Variants in PTAR1 observed in about 807,000 individuals in gnomAD.
PTAR1 encodes the protein protein prenyltransferase alpha subunit repeat containing 1, also known as protein prenyltransferase alpha subunit repeat-containing protein 1.
A neutral mutation model predicts 45.5 loss-of-function variants in PTAR1; 17 were observed. The observed-to-expected ratio is 0.37, with a 90% CI of 0.26 to 0.56. The LOEUF (loss-of-function observed/expected upper bound fraction) is 0.56, where lower values mean the gene tolerates loss of function less well. PTAR1 is among the 20% of genes least tolerant of loss of function. The probability of loss-of-function intolerance (pLI) is 0.77; values close to 1 mark genes in which losing one functional copy is unlikely to be tolerated. For missense variants in PTAR1, 391 were observed against 476.3 expected (o/e 0.82, Z 1.67); for synonymous variants, 169 against 171.3 (o/e 0.99, Z 0.11).
chr9:69,736,612 A>C (rs1360037971), intron 3 of PTAR1, among the ~76,000 whole-genome samples: 1 of 152,154 alleles, frequency 6.6e-6, no homozygotes, highest in African/African-American at 2.4e-5. Flanking sequence ...CCATTTCATA[A>C]ATTTAAGACC....
intron 6 of PTAR1, among the ~76,000 whole-genome samples, chr9:69,720,014 A>G (rs1824918672): frequency 6.6e-6 from 1 of 152,116 alleles, no homozygotes; most frequent in Non-Finnish European, 1.5e-5. Flanking sequence ...CCTGAGATAC[A>G]ACAATATTGA....
Position 69,723,461 on chromosome 9 carries a change from G to A in PTAR1, c.812C>T (p.Pro271Leu), listed in dbSNP as rs189917529. ...NPLRSEPALV[P>L]PKDEEAAVST... ...AACTGCTGCTTCTTCATCTTTTGGA[G>A]GAACTAGGGCTGGCTCACTTCTCAA... Residue 271 changes from proline (P) to leucine (L), a missense_variant, in exon 6 of 8, where the codon CCT becomes CTT. Pro to Leu is a moderately conservative substitution (Grantham distance 98). Coordinates refer to ENST00000340434, the MANE Select transcript of PTAR1 (RefSeq NM_001099666.2). The A allele has an allele frequency of 1.4e-5, 23 of 1,613,846 alleles. No individual in the cohort carries two copies. In the East Asian group the frequency reaches 4.7e-4, roughly 33 times the overall value.
intron 5 of PTAR1, among the ~76,000 whole-genome samples, chr9:69,731,504 T>C (rs1383886204): frequency 6.6e-6 from 1 of 152,202 alleles, no homozygotes. Flanking sequence ...GCCATTAAAA[T>C]TCTCTGGAAA....
chr9:69,725,323 C>G (rs1303075889), intron 5 of PTAR1, among the ~76,000 whole-genome samples: 3 of 152,112 alleles, frequency 2.0e-5, no homozygotes, highest in Non-Finnish European at 4.4e-5. Context: ...TGCGTGGTGG[C>G]TCATACCTGT....
At chr9:69,735,032 T>C (rs1825720773) in intron 3 of PTAR1, among the ~76,000 whole-genome samples, 1 of 152,254 alleles carries the variant, frequency 6.6e-6, no homozygotes. Context: ...TTATAACTTC[T>C]TTCTTTTGTA....
At chr9:69,749,637 C>T (rs1381573698) in intron 2 of PTAR1, among the ~76,000 whole-genome samples, 1 of 152,060 alleles carries the variant, frequency 6.6e-6, no homozygotes, top group African/African-American at 2.4e-5. Flanking sequence ...GCTCATTAAA[C>T]CTTCAGAGTC....
chr9:69,753,464 C>A (rs996687472), intron 1 of PTAR1, among the ~76,000 whole-genome samples: 2 of 152,078 alleles, frequency 1.3e-5, no homozygotes, highest in Non-Finnish European at 2.9e-5. Context: ...ATAAAGTATA[C>A]TGAAAACAGC....
chr9:69,723,628 A>C lies in PTAR1; in HGVS notation c.645T>G (p.Ile215Met). Residue 215 changes from isoleucine to methionine, a missense_variant and splice_region_variant, in exon 6 of 8, where the codon ATT becomes ATG. Around this residue, in one of 5 missense-constraint regions of PTAR1, gnomAD observed 181 missense variants for 227.7 expected, o/e 0.80. Coordinates refer to ENST00000340434, the MANE Select transcript of PTAR1 (RefSeq NM_001099666.2). ...TAGTAGAAGATAGTTCATCAAGAAGAATCTTTTAAGAAGAAAAAAGGGAAG... is the reference window on the plus strand; with the variant it reads ...TAGTAGAAGATAGTTCATCAAGAAGCATCTTTTAAGAAGAAAAAAGGGAAG... The part of the protein sequence containing the change: ...LQHLAKLDVK[I>M]LLDELSSTKH... The C allele has an allele frequency of 6.3e-7, 1 of 1,597,256 alleles. No homozygotes were observed. Among genetic ancestry groups the C allele is most frequent in the Non-Finnish European group, 8.5e-7 (1 of 1,170,276 alleles).
chr9:69,759,437 C>T (rs913960460), intron 1 of PTAR1, among the ~76,000 whole-genome samples: 2 of 152,134 alleles, frequency 1.3e-5, no homozygotes, highest in Non-Finnish European at 2.9e-5. Flanking sequence ...GGATCGGTTA[C>T]CCCCTCTTGC....
chr9:69,754,113 G>T (rs183300392), intron 1 of PTAR1, among the ~76,000 whole-genome samples: 3 of 152,116 alleles, frequency 2.0e-5, no homozygotes, highest in African/African-American at 7.2e-5. Context: ...CCAAATAATA[G>T]TGTGTTTGAC....
intron 1 of PTAR1, among the ~76,000 whole-genome samples, chr9:69,754,176 A>G (rs1588489209): frequency 6.6e-6 from 1 of 152,120 alleles, no homozygotes; most frequent in East Asian, 1.9e-4. Context: ...TTTCTAGCCA[A>G]TTTCGAATAG....
chr9:69,748,910 A>C (rs1052660835), intron 2 of PTAR1, among the ~76,000 whole-genome samples: 3 of 152,136 alleles, frequency 2.0e-5, no homozygotes, highest in Non-Finnish European at 2.9e-5. Context: ...ACCATACTAA[A>C]TTATGCTATC....
At chr9:69,749,840 T>C (rs374218740) in intron 2 of PTAR1, among the ~76,000 whole-genome samples, 3 of 152,072 alleles carry the variant, frequency 2.0e-5, no homozygotes, top group African/African-American at 7.2e-5. Flanking sequence ...TATTTATTCA[T>C]CTTTTTATCC....
intron 5 of PTAR1, chr9:69,731,820 G>A: frequency 3.4e-6 from 1 of 294,622 alleles, no homozygotes; most frequent in Admixed American, 4.8e-5. Context: ...CCAAGAAATA[G>A]CAATTCCAGT....
intron 4 of PTAR1, among the ~76,000 whole-genome samples, chr9:69,732,997 G>A (rs1303435029): frequency 6.6e-6 from 1 of 152,100 alleles, no homozygotes; most frequent in African/African-American, 2.4e-5. Context: ...GCTACTTAAT[G>A]TGTTTACTTT....
chr9:69,749,560 G>A (rs1461932582), intron 2 of PTAR1, among the ~76,000 whole-genome samples: 1 of 152,064 alleles, frequency 6.6e-6, no homozygotes, highest in Non-Finnish European at 1.5e-5. Context: ...CTTAGGCACA[G>A]CCTTCTAATA....
In PTAR1 at chr9:69,716,973, C is replaced by A. The variant is rs1273862402; in HGVS notation, c.*1369G>T. 1.3e-5 allele frequency: 2 copies of A among 152,160 alleles called. No individual in the cohort carries two copies. Among genetic ancestry groups the A allele is most frequent in the Non-Finnish European group, 2.9e-5 (2 of 68,022 alleles). The allele number at this position is 152,160 out of a possible 1,614,324, so 9.4% of individuals were successfully genotyped here. On this transcript the variant is annotated 3_prime_UTR_variant, in exon 8 of 8. Coordinates refer to ENST00000340434, the MANE Select transcript of PTAR1 (RefSeq NM_001099666.2). Reference sequence around the variant, plus strand: ...GTATATGAAAAGAAGAAACAGACCACTTACAAAAGGGCAAATATAAGAAAG... The same window carrying A: ...GTATATGAAAAGAAGAAACAGACCAATTACAAAAGGGCAAATATAAGAAAG...
intron 1 of PTAR1, among the ~76,000 whole-genome samples, chr9:69,759,238 T>C (rs766846679): frequency 6.6e-6 from 1 of 152,218 alleles, no homozygotes; most frequent in African/African-American, 2.4e-5. Flanking sequence ...AAGGTTTCAT[T>C]TGCTTTATCC....
At chr9:69,758,692 T>C (rs1398280992) in intron 1 of PTAR1, 4 of 417,028 alleles carry the variant, frequency 9.6e-6, no homozygotes, top group African/African-American at 8.1e-5. Flanking sequence ...CTTAACTGTT[T>C]TACAATCATC....
Sources: allele counts gnomAD v4.1 joint callset (sites outside exome capture counted in the v4.1 genomes callset), GRCh38; gene constraint gnomAD v4.1.1; regional missense constraint gnomAD v4.1.1; transcripts MANE v1.5; gene names NCBI Gene and HGNC (gene_info 2026-07-23, HGNC 2026-07-21).